The following PCDHGB2 variants were observed in gnomAD, a reference collection of about 807,000 sequenced individuals.
PCDHGB2 encodes protocadherin gamma-B2.
Under a neutral mutation model 59.3 loss-of-function variants are expected in PCDHGB2, and 55 were observed. The ratio of observed to expected loss-of-function variants is 0.93; its 90% CI spans 0.75 to 1.16. The LOEUF (loss-of-function observed/expected upper bound fraction) is 1.16. Among genes scored for constraint, PCDHGB2 ranks in the 50% most tolerant of loss-of-function variants. The pLI, the probability that PCDHGB2 is intolerant of heterozygous loss-of-function variation, is 0.00. For missense variants in PCDHGB2, 1,228 were observed against 1,198.5 expected (o/e 1.02, Z -0.36); for synonymous variants, 516 against 512.0 (o/e 1.01, Z -0.11).
At chr5:141,413,338 G>A in intron 1 of PCDHGB2, 1 of 1,613,980 alleles carries the variant, frequency 6.2e-7, no homozygotes, top group African/African-American at 1.3e-5. Context: ...CATCTCCAAG[G>A]ACTTGGGTCT....
Position 141,489,089 on chromosome 5 carries a change from A to T in PCDHGB2, c.2422-5718A>T, listed in dbSNP as rs1214993065. The T allele has an allele frequency of 7.4e-5, 21 of 284,398 alleles. No homozygotes were observed. Among genetic ancestry groups the T allele is most frequent in the East Asian group, 1.1e-4 (2 of 17,560 alleles). The allele number at this position is 284,398 out of a possible 1,614,324, so 17.6% of individuals were successfully genotyped here. On this transcript the variant is annotated intron_variant, in intron 1 of 3. Coordinates refer to ENST00000522605, the MANE Select transcript of PCDHGB2 (RefSeq NM_018923.3). This position sits in a 1 kb window ranked among gnomAD's most constrained non-coding sequence, Gnocchi z 4.5. ...CCCTGCCCACCCCCGCCACTCGGTGACTAAGAACTGCTGCAAGCAGGCAAA... is the reference window on the plus strand; with the variant it reads ...CCCTGCCCACCCCCGCCACTCGGTGTCTAAGAACTGCTGCAAGCAGGCAAA...
In PCDHGB2 at chr5:141,388,846, A is replaced by G. The variant is rs758753526; in HGVS notation, c.2421+26290A>G. ...TATTCCATAGTTTTGGAAGCAAGGG[A>G]CGGTGGAGGAATGATTGCGCAATGC... On this transcript the variant is annotated intron_variant, in intron 1 of 3. Coordinates refer to ENST00000522605, the MANE Select transcript of PCDHGB2 (RefSeq NM_018923.3). The G allele has an allele frequency of 5.6e-6, 9 of 1,613,870 alleles. No homozygotes were observed. In the East Asian group the frequency reaches 2.0e-4, roughly 36 times the overall value.
chr5:141,388,415 T>C, intron 1 of PCDHGB2: 2 of 1,613,894 alleles, frequency 1.2e-6, no homozygotes, highest in Non-Finnish European at 1.7e-6. Flanking sequence ...CCAGTGATCA[T>C]TTCTCACTGA....
chr5:141,495,833 G>A (rs559689667), intron 2 of PCDHGB2, among the ~76,000 whole-genome samples: 3 of 151,876 alleles, frequency 2.0e-5, no homozygotes, highest in African/African-American at 4.8e-5. Context: ...TCTATCCCCA[G>A]CCTCTATGTT....
At chr5:141,458,891 G>A (rs775720263) in intron 1 of PCDHGB2, among the ~76,000 whole-genome samples, 10 of 151,976 alleles carry the variant, frequency 6.6e-5, no homozygotes, top group South Asian at 2.1e-4. Context: ...CACACCATGC[G>A]CAGCTAATTT....
intron 1 of PCDHGB2, chr5:141,428,236 G>T: frequency 5.8e-6 from 6 of 1,027,096 alleles, no homozygotes; most frequent in Non-Finnish European, 8.9e-6. Flanking sequence ...CAGCCTGCAG[G>T]AGGCACTGCC....
chr5:141,418,694 TATTCC>T, intron 1 of PCDHGB2: 2 of 1,614,044 alleles, frequency 1.2e-6, no homozygotes, highest in Non-Finnish European at 1.7e-6. Flanking sequence ...AGAGATCACT[TATTCC>T]TTCTTTGGTG....
intron 1 of PCDHGB2, chr5:141,392,511 A>C (rs1368500575): frequency 4.2e-6 from 1 of 240,354 alleles, no homozygotes; most frequent in Non-Finnish European, 7.9e-6. Flanking sequence ...TTTTTTTCTC[A>C]GTAATCTAGT....
intron 1 of PCDHGB2, chr5:141,409,788 C>T (rs1224847553): frequency 3.1e-6 from 5 of 1,612,138 alleles, no homozygotes; most frequent in Admixed American, 1.7e-5. Flanking sequence ...CGCGCCTTCG[C>T]GCTCACGCTG....
Position 141,432,608 on chromosome 5 carries a change from T to G in PCDHGB2, c.2422-62199T>G. ...GCTCAAGGCCAGCGAGCCGGGACTC[T>G]TCTCGGTGGGTCTGCACACGGGCGA... On this transcript the variant is annotated intron_variant, in intron 1 of 3. Transcript: ENST00000522605. This position sits in a 1 kb window ranked among gnomAD's most constrained non-coding sequence, Gnocchi z 6.0. The G allele has an allele frequency of 6.2e-7, 1 of 1,613,864 alleles. No individual in the cohort carries two copies. The highest frequency in any genetic ancestry group is 8.5e-7 in the Non-Finnish European group (1 of 1,179,964).
Position 141,432,806 on chromosome 5 carries a change from A to G in PCDHGB2, c.2422-62001A>G, listed in dbSNP as rs755248654. 12 of 1,614,070 alleles carry G rather than the reference A, an allele frequency of 7.4e-6. No individual in the cohort carries two copies. Among genetic ancestry groups the G allele is most frequent in the Non-Finnish European group, 9.3e-6 (11 of 1,179,972 alleles). On this transcript the variant is annotated intron_variant, in intron 1 of 3. Transcript: ENST00000522605. This position sits in a 1 kb window ranked among gnomAD's most constrained non-coding sequence, Gnocchi z 6.0. ...CCTCGGCAGCCTCGAGTCTCCAGCT[A>G]ACTCTGAAACCTCAGACCTCACTCT...
chr5:141,449,562 C>T (rs1374591292), intron 1 of PCDHGB2, among the ~76,000 whole-genome samples: 1 of 143,862 alleles, frequency 7.0e-6, no homozygotes, highest in East Asian at 2.0e-4. Context: ...GCACTCCAGC[C>T]TGGGCGACAG....
intron 1 of PCDHGB2, chr5:141,433,139 T>G: frequency 6.2e-7 from 1 of 1,614,068 alleles, no homozygotes; most frequent in Non-Finnish European, 8.5e-7. Context: ...CCTTTTGCTG[T>G]CAGGTGATTC....
rs373286702 is a variant in PCDHGB2, at chr5:141,421,190, A to T, written c.2421+58634A>T. ...TACATAAGCCGATTCACAACCAACC[A>T]GCTCGAGAAACCGCGGAATATCGGC... On this transcript the variant is annotated intron_variant, in intron 1 of 3. Transcript: ENST00000522605. The T allele has an allele frequency of 4.7e-6, 7 of 1,480,168 alleles. No homozygotes were observed. The South Asian group carries it at 9.4e-5, about 20-fold the overall frequency. 91.7% of individuals were successfully genotyped at this position (1,480,168 alleles called of 1,614,324 possible).
chr5:141,393,844 G>A (rs1158027980), intron 1 of PCDHGB2: 1 of 1,613,966 alleles, frequency 6.2e-7, no homozygotes, highest in Admixed American at 1.7e-5. Flanking sequence ...AATGACAATA[G>A]ACCAGAAGTG....
chr5:141,485,958 T>C lies in PCDHGB2; in HGVS notation c.2422-8849T>C. On this transcript the variant is annotated intron_variant, in intron 1 of 3. Transcript: ENST00000522605. The surrounding 1 kb of genome is among the most constrained non-coding windows in gnomAD (Gnocchi z 5.7). ...AGCGCACCAGCGGGCATGGTGCTCATCCAGCTCAATGCCTCAGACCCGGAC... is the reference window on the plus strand; with the variant it reads ...AGCGCACCAGCGGGCATGGTGCTCACCCAGCTCAATGCCTCAGACCCGGAC... 1 of 1,614,190 alleles carries C rather than the reference T, an allele frequency of 6.2e-7. No individual in the cohort carries two copies. The highest frequency in any genetic ancestry group is 8.5e-7 in the Non-Finnish European group (1 of 1,180,032).
intron 1 of PCDHGB2, chr5:141,374,488 G>A (rs777789497): frequency 6.2e-7 from 1 of 1,611,190 alleles, no homozygotes; most frequent in East Asian, 2.2e-5. Flanking sequence ...GATTCTTAAA[G>A]GAAGAATTGG....
intron 1 of PCDHGB2, among the ~76,000 whole-genome samples, chr5:141,474,096 CAACAAA>C (rs1262341033): frequency 1.3e-5 from 2 of 152,078 alleles, no homozygotes; most frequent in African/African-American, 4.8e-5. Context: ...AAACAAACAA[CAACAAA>C]AACAACAACA....
At chr5:141,371,549 A>G in intron 1 of PCDHGB2, 1 of 1,613,886 alleles carries the variant, frequency 6.2e-7, no homozygotes, top group Non-Finnish European at 8.5e-7. Flanking sequence ...TCCTATGCCA[A>G]CTAAAAGGAA....
Sources: gnomAD v4.1 joint callset for allele counts (sites outside exome capture counted in the v4.1 genomes callset) on GRCh38, gnomAD v4.1.1 for gene constraint, Gnocchi (gnomAD v3.1) non-coding constraint, MANE v1.5 for transcripts, NCBI Gene and HGNC (gene_info 2026-07-23, HGNC 2026-07-21) for gene names.